Variants in PCDHGB1 observed in about 807,000 individuals in gnomAD.
PCDHGB1 encodes protocadherin gamma-B1.
In PCDHGB1, 34 loss-of-function variants were observed where a neutral mutation model predicts 56.6. That is an observed-to-expected ratio of 0.60 (90% confidence interval 0.46 to 0.80). The LOEUF is 0.80. Ranked by LOEUF, PCDHGB1 falls within the 30% of genes least tolerant of loss-of-function variation. The probability of loss-of-function intolerance (pLI) is 0.00; values close to 1 mark genes in which losing one functional copy is unlikely to be tolerated. For missense variants in PCDHGB1, 1,278 were observed against 1,204.6 expected (o/e 1.06, Z -0.90); for synonymous variants, 561 against 505.9 (o/e 1.11, Z -1.46).
rs759576434 is a variant in PCDHGB1 at position 141,432,109 on chromosome 5, G to C, written c.2410-62698G>C. Reference sequence around the variant, plus strand: ...TGGCAGACACCAACGACAACCCGCCGGTCTTCCCTCAGGCCTCCTATTCCG... The same window carrying C: ...TGGCAGACACCAACGACAACCCGCCCGTCTTCCCTCAGGCCTCCTATTCCG... On this transcript the variant is annotated intron_variant, in intron 1 of 3. Transcript: ENST00000523390. The surrounding 1 kb of genome is among the most constrained non-coding windows in gnomAD (Gnocchi z 6.0). 9 of 1,613,972 alleles carry C rather than the reference G, an allele frequency of 5.6e-6. No homozygotes were observed. In the African/African-American group the frequency reaches 9.3e-5, roughly 17 times the overall value.
intron 1 of PCDHGB1, among the ~76,000 whole-genome samples, chr5:141,444,014 T>C (rs2098414038): frequency 6.6e-6 from 1 of 152,122 alleles, no homozygotes; most frequent in Admixed American, 6.6e-5. Flanking sequence ...GGGTATTGGC[T>C]TCTAAAAGGA....
intron 1 of PCDHGB1, among the ~76,000 whole-genome samples, chr5:141,450,830 T>A (rs923422605): frequency 3.0e-5 from 3 of 101,548 alleles, no homozygotes; most frequent in African/African-American, 1.3e-4. Context: ...ATTATTATTA[T>A]TTTTTTTTTT....
At chr5:141,446,221 T>C (rs2098493855) in intron 1 of PCDHGB1, among the ~76,000 whole-genome samples, 1 of 152,164 alleles carries the variant, frequency 6.6e-6, no homozygotes, top group African/African-American at 2.4e-5. Flanking sequence ...AATATTGTTG[T>C]GTTGCCTGGC....
At chr5:141,419,290 T>C (rs1160812369) in intron 1 of PCDHGB1, 1 of 1,613,914 alleles carries the variant, frequency 6.2e-7, no homozygotes, top group African/African-American at 1.3e-5. Context: ...TCAGTGCCTC[T>C]GACCCAGACT....
intron 1 of PCDHGB1, chr5:141,423,072 G>A: frequency 1.2e-6 from 2 of 1,614,120 alleles, no homozygotes; most frequent in Non-Finnish European, 1.7e-6. Flanking sequence ...CCAGCGAGCC[G>A]GGACTCTTCG....
chr5:141,490,419 G>T lies in PCDHGB1; in HGVS notation c.2410-4388G>T, dbSNP rs1424302713. ...TGAGCCTTGATATCTCTCCGGACCT[G>T]CCATTTCAGATTAAGCCTTCTGAGA... is the stretch of plus-strand genomic sequence containing the variant. On this transcript the variant is annotated intron_variant, in intron 1 of 3. Transcript: ENST00000523390. The surrounding 1 kb of genome is among the most constrained non-coding windows in gnomAD (Gnocchi z 5.4). The T allele has an allele frequency of 6.2e-7, 1 of 1,614,170 alleles. No homozygotes were observed. The highest frequency in any genetic ancestry group is 8.5e-7 in the Non-Finnish European group (1 of 1,180,020).
Position 141,423,884 on chromosome 5 carries a change from T to C in PCDHGB1, c.2410-70923T>C, listed in dbSNP as rs1253750785. On this transcript the variant is annotated intron_variant, in intron 1 of 3. Transcript: ENST00000523390. ...TGAAAGTCATTTTTCAATCTTGGCA[T>C]ATTTTCTTTTGATTTCAAAGGGGCC... The C allele has an allele frequency of 6.2e-6, 8 of 1,282,566 alleles. No individual in the cohort carries two copies. In the African/African-American group the frequency reaches 1.2e-4, roughly 20 times the overall value. 79.4% of individuals were successfully genotyped at this position (1,282,566 alleles called of 1,614,324 possible). A position where few individuals can be genotyped will look rare whatever the true frequency, so the allele number is the denominator to read the frequency against.
chr5:141,351,894 G>T lies in PCDHGB1; in HGVS notation c.1634G>T (p.Arg545Leu). ...SPALSANVSL[R>L]VLVGDLNDNA... The stretch of plus-strand genomic sequence containing the variant: ...GCGCTCAGCGCCAACGTGAGCCTGC[G>T]CGTGTTGGTGGGCGACCTCAATGAC... The change falls in exon 1 of 4, where the codon CGC becomes CTC. Residue 545 changes from arginine to leucine, a missense_variant. By Grantham distance (102) the Arg-to-Leu change is moderately radical. Coordinates refer to ENST00000523390, the MANE Select transcript of PCDHGB1 (RefSeq NM_018922.3). 1.9e-6 allele frequency: 3 copies of T among 1,613,426 alleles called. No homozygotes were observed. Among genetic ancestry groups the T allele is most frequent in the South Asian group, 2.2e-5 (2 of 91,074 alleles).
chr5:141,364,832 C>G lies in PCDHGB1; in HGVS notation c.2409+12163C>G, dbSNP rs538468873. On this transcript the variant is annotated intron_variant, in intron 1 of 3. Coordinates refer to ENST00000523390, the MANE Select transcript of PCDHGB1 (RefSeq NM_018922.3). ...TGCGGATGTGGGTGTGAACTCTCTCCGGAGTTACCAGCTCAGCTCCAATCT... is the reference window on the plus strand; with the variant it reads ...TGCGGATGTGGGTGTGAACTCTCTCGGGAGTTACCAGCTCAGCTCCAATCT... The G allele has an allele frequency of 5.0e-6, 8 of 1,614,012 alleles. No individual in the cohort carries two copies. The African/African-American group carries it at 5.3e-5, about 11-fold the overall frequency.
intron 1 of PCDHGB1, chr5:141,364,103 C>A (rs575957272): frequency 7.3e-6 from 3 of 411,130 alleles, no homozygotes; most frequent in Middle Eastern, 6.3e-4. Flanking sequence ...GATGCAGTCA[C>A]TGGTTAGGAC....
At chr5:141,419,585 G>C (rs2096403161) in intron 1 of PCDHGB1, 8 of 1,611,776 alleles carry the variant, frequency 5.0e-6, no homozygotes, top group Non-Finnish European at 6.8e-6. Flanking sequence ...CGCGCTCTTC[G>C]ACACAGTGCC....
At chr5:141,419,182 C>T in intron 1 of PCDHGB1, 2 of 1,613,986 alleles carry the variant, frequency 1.2e-6, no homozygotes, top group Non-Finnish European at 1.7e-6. Context: ...TAACCCTGCA[C>T]ATTACTGACG....
Position 141,365,610 on chromosome 5 carries a change from A to G in PCDHGB1, c.2409+12941A>G, listed in dbSNP as rs1764018673. 6.8e-6 allele frequency: 11 copies of G among 1,613,570 alleles called. No homozygotes were observed. Among genetic ancestry groups the G allele is most frequent in the African/African-American group, 1.3e-5 (1 of 74,926 alleles). ...AATATCACTTTAACCGTCATGGACC[A>G]TGGAACCCCGCCCCTCTCTACAGAA... On this transcript the variant is annotated intron_variant, in intron 1 of 3. Transcript: ENST00000523390.
At chr5:141,359,366 A>C (rs1761188368) in intron 1 of PCDHGB1, among the ~76,000 whole-genome samples, 1 of 152,098 alleles carries the variant, frequency 6.6e-6, no homozygotes, top group Non-Finnish European at 1.5e-5. Context: ...AGGCCTAGGA[A>C]AGCAGTAGAT....
chr5:141,501,381 T>A (rs1261533671), intron 2 of PCDHGB1, among the ~76,000 whole-genome samples: 4 of 151,750 alleles, frequency 2.6e-5, no homozygotes, highest in African/African-American at 9.7e-5. Flanking sequence ...TCTTAAATCC[T>A]AGGTCCTGTC....
At chr5:141,365,584 T>C (rs778067515) in intron 1 of PCDHGB1, 1 of 1,613,724 alleles carries the variant, frequency 6.2e-7, no homozygotes. Context: ...CTTCAGATTA[T>C]AATATCACTT....
rs749252261 is a variant in PCDHGB1 at position 141,366,393 on chromosome 5, A to C, written c.2409+13724A>C. ...ACCCCCATTGACCCTGAGGATCTGG[A>C]CCTCACACTCTATCTTGTGGTGGCA... On this transcript the variant is annotated intron_variant, in intron 1 of 3. Transcript: ENST00000523390. 11 of 1,614,004 alleles carry C rather than the reference A, an allele frequency of 6.8e-6. 1 individual carries two copies. Among genetic ancestry groups the C allele is most frequent in the African/African-American group, 4.0e-5 (3 of 74,938 alleles).
At chr5:141,408,819 G>A in intron 1 of PCDHGB1, 1 of 1,613,520 alleles carries the variant, frequency 6.2e-7, no homozygotes, top group Non-Finnish European at 8.5e-7. Context: ...GAAGAACAGA[G>A]ATCTCATAGC....
In PCDHGB1 at chr5:141,351,426, A is replaced by C. The variant is rs1195735664; in HGVS notation, c.1166A>C (p.Lys389Thr). 1.2e-6 allele frequency: 2 copies of C among 1,611,328 alleles called. No homozygotes were observed. Among genetic ancestry groups the C allele is most frequent in the Admixed American group, 3.4e-5 (2 of 59,568 alleles). The change falls in exon 1 of 4, where the codon AAA (lysine) becomes ACA (threonine). Residue 389 changes from lysine (K) to threonine (T), a missense_variant. Coordinates refer to ENST00000523390, the MANE Select transcript of PCDHGB1 (RefSeq NM_018922.3). ...TATACTCAGGAAGAAGTTCCTTTCA[A>C]ATTAGAATCCACCTCGAAGAATTAT... The part of the protein sequence containing the change: ...TCYTQEEVPF[K>T]LESTSKNYYK...
Sources: allele counts gnomAD v4.1 joint callset (sites outside exome capture counted in the v4.1 genomes callset), GRCh38; gene constraint gnomAD v4.1.1; non-coding constraint Gnocchi (gnomAD v3.1); transcripts MANE v1.5; gene names NCBI Gene and HGNC (gene_info 2026-07-23, HGNC 2026-07-21).